Variants in ETFRF1 observed in about 807,000 individuals in gnomAD.
The protein encoded by ETFRF1 is LYR motif containing 5.
Under a neutral mutation model 9.0 loss-of-function variants are expected in ETFRF1, and 12 were observed. The observed-to-expected ratio is 1.34, with a 90% CI of 0.86 to 2.16. The LOEUF is 2.16. ETFRF1 is among the 30% of genes most tolerant of loss of function. The pLI is 0.00. For synonymous variants in ETFRF1, 34 were observed against 33.2 expected (o/e 1.02, Z -0.08); for missense variants, 98 against 101.8 (o/e 0.96, Z 0.16).
intron 1 of ETFRF1, among the ~76,000 whole-genome samples, chr12:25,200,029 G>A (rs961675537): frequency 6.6e-6 from 1 of 152,122 alleles, no homozygotes; most frequent in Non-Finnish European, 1.5e-5. Flanking sequence ...GGCCAACATG[G>A]TGAAAAGCCA....
intron 1 of ETFRF1, among the ~76,000 whole-genome samples, chr12:25,202,064 A>C (rs988121576): frequency 3.2e-5 from 1 of 31,316 alleles, no homozygotes; most frequent in African/African-American, 9.7e-5. Flanking sequence ...ACTGAAATAC[A>C]AAAAAAAAAA....
Position 25,195,248 on chromosome 12 carries a change from GC to G in ETFRF1, c.-124del. On this transcript the variant is annotated 5_prime_UTR_variant, in exon 1 of 3. Transcript: ENST00000381356. ...GCCCCGCCCCCTTTACTGACAGGTT[GC>G]CCACCTCCCCCAACGCCACCCCGCT... 1.4e-6 allele frequency: 1 copy of G among 711,108 alleles called. No homozygotes were observed. The highest frequency in any genetic ancestry group is 2.5e-6 in the Non-Finnish European group (1 of 403,688). 44.0% of individuals were successfully genotyped at this position (711,108 alleles called of 1,614,324 possible).
intron 1 of ETFRF1, 34 bp downstream of exon 1, chr12:25,195,371 C>A: frequency 1.7e-6 from 1 of 582,578 alleles, no homozygotes; most frequent in South Asian, 2.0e-5. Context: ...AGTTTTGTTC[C>A]ATTTCCCGGA....
At chr12:25,197,230 C>T (rs2141465743) in intron 1 of ETFRF1, among the ~76,000 whole-genome samples, 1 of 151,990 alleles carries the variant, frequency 6.6e-6, no homozygotes, top group Admixed American at 6.6e-5. Context: ...CATAGCCACA[C>T]TAGTTACATT....
At chr12:25,198,866 C>T (rs924639744) in intron 1 of ETFRF1, among the ~76,000 whole-genome samples, 1 of 152,074 alleles carries the variant, frequency 6.6e-6, no homozygotes, top group African/African-American at 2.4e-5. Flanking sequence ...TTCATTGATT[C>T]AAGTGTATAT....
At chr12:25,203,294 A>C (rs1016428463) in intron 1 of ETFRF1, among the ~76,000 whole-genome samples, 13 of 152,330 alleles carry the variant, frequency 8.5e-5, no homozygotes, top group South Asian at 6.2e-4. Flanking sequence ...ACACATAAAG[A>C]AGCATGATTT....
Position 25,204,727 on chromosome 12 carries a change from T to G in ETFRF1, c.*415T>G, listed in dbSNP as rs527743090. On this transcript the variant is annotated 3_prime_UTR_variant, in exon 3 of 3. Transcript: ENST00000381356. Reference sequence around the variant, plus strand: ...TTAACTTTTGAAAGGAATCCCTTATTTTTTCACCCAATTTGGTATATTAAC... The same window carrying G: ...TTAACTTTTGAAAGGAATCCCTTATGTTTTCACCCAATTTGGTATATTAAC... 1.1e-5 allele frequency: 2 copies of G among 183,762 alleles called. No individual in the cohort carries two copies. The highest frequency in any genetic ancestry group is 1.8e-4 in the East Asian group (2 of 11,030). The allele number at this position is 183,762 out of a possible 1,614,324, so 11.4% of individuals were successfully genotyped here.
chr12:25,198,279 G>A (rs79917672), intron 1 of ETFRF1, among the ~76,000 whole-genome samples: 10,647 of 152,066 alleles, frequency 0.07, 506 homozygotes, highest in Non-Finnish European at 0.11. Context: ...TGCAGGGCCC[G>A]CATTCCTCTT....
At chr12:25,203,844 C>A (rs1951098167) in intron 1 of ETFRF1, 76 bp from the exon 2 acceptor site, 2 of 798,324 alleles carry the variant, frequency 2.5e-6, no homozygotes, top group Middle Eastern at 4.1e-4. Flanking sequence ...TTACCATTTT[C>A]TCAATGTGTA....
intron 1 of ETFRF1, 81 bp from the exon 2 acceptor site, chr12:25,203,839 A>G (rs1053671573): frequency 5.2e-6 from 4 of 770,728 alleles, no homozygotes; most frequent in Non-Finnish European, 7.6e-6. Context: ...AAAGGTTACC[A>G]TTTTCTCAAT....
intron 1 of ETFRF1, among the ~76,000 whole-genome samples, chr12:25,203,559 GTTAA>G (rs1486255480): frequency 1.3e-5 from 2 of 152,182 alleles, no homozygotes; most frequent in Non-Finnish European, 2.9e-5. Flanking sequence ...GCTCAGCAAG[GTTAA>G]TTAATCTGTA....
In ETFRF1 at chr12:25,204,401, A is replaced by G. The variant is rs1951108823; in HGVS notation, c.*89A>G. The G allele has an allele frequency of 6.3e-6, 7 of 1,106,654 alleles. No individual in the cohort carries two copies. Among genetic ancestry groups the G allele is most frequent in the Admixed American group, 6.3e-5 (2 of 31,808 alleles). The allele number at this position is 1,106,654 out of a possible 1,614,324, so 68.6% of individuals were successfully genotyped here. ...ATTCTAACTTAAAATGGGAAGATAT[A>G]CATGTTGTGTAAAAAATCCCTGAGC... On this transcript the variant is annotated 3_prime_UTR_variant, in exon 3 of 3. Transcript: ENST00000381356.
rs2141475357 is a variant in ETFRF1 at position 25,205,064 on chromosome 12, G to A, written c.*752G>A. 4.7e-6 allele frequency: 1 copy of A among 212,882 alleles called. No individual in the cohort carries two copies. Among genetic ancestry groups the A allele is most frequent in the African/African-American group, 2.3e-5 (1 of 44,264 alleles). The allele number at this position is 212,882 out of a possible 1,614,324, so 13.2% of individuals were successfully genotyped here. On this transcript the variant is annotated 3_prime_UTR_variant, in exon 3 of 3. Coordinates refer to ENST00000381356, the MANE Select transcript of ETFRF1 (RefSeq NM_001001660.3). ...TGTTTTGCATCTACTTCTAAATATG[G>A]TTTTAAGTTTAAGCAAACACGCCTT... is the stretch of plus-strand genomic sequence containing the variant.
In ETFRF1 at chr12:25,203,909, CCTTT is replaced by C. The variant is rs781120186; in HGVS notation, c.-37-6_-37-3del. The C allele has an allele frequency of 9.6e-6, 13 of 1,360,844 alleles. No individual in the cohort carries two copies. The highest frequency in any genetic ancestry group is 3.7e-5 in the South Asian group (2 of 53,618). The allele number at this position is 1,360,844 out of a possible 1,614,324, so 84.3% of individuals were successfully genotyped here. A position where few individuals can be genotyped will look rare whatever the true frequency, so the allele number is the denominator to read the frequency against. ...ATGCAGCTAATTGCAAAAAAATTTTCCTTTCTTTAGGTATGTTATGCATAAAAGT... is the reference window on the plus strand; with the variant it reads ...ATGCAGCTAATTGCAAAAAAATTTTCCTTTAGGTATGTTATGCATAAAAGT... On this transcript the variant is annotated splice_region_variant and splice_polypyrimidine_tract_variant and intron_variant, in intron 1 of 2. Coordinates refer to ENST00000381356, the MANE Select transcript of ETFRF1 (RefSeq NM_001001660.3).
chr12:25,195,324 C>T lies in ETFRF1; in HGVS notation c.-51C>T. 1.7e-6 allele frequency: 1 copy of T among 602,160 alleles called. No homozygotes were observed. The highest frequency in any genetic ancestry group is 2.0e-5 in the South Asian group (1 of 50,636). 37.3% of individuals were successfully genotyped at this position (602,160 alleles called of 1,614,324 possible). A position where few individuals can be genotyped will look rare whatever the true frequency, so the allele number is the denominator to read the frequency against. Reference sequence around the variant, plus strand: ...GTAGCGGTCGAGGCTTTTGCGGCTCCGGCGTGCCGGAAAGTGCGTGAGTGC... The same window carrying T: ...GTAGCGGTCGAGGCTTTTGCGGCTCTGGCGTGCCGGAAAGTGCGTGAGTGC... On this transcript the variant is annotated 5_prime_UTR_variant, in exon 1 of 3. Transcript: ENST00000381356.
chr12:25,200,222 G>T (rs1313094858), intron 1 of ETFRF1, among the ~76,000 whole-genome samples: 1 of 151,190 alleles, frequency 6.6e-6, no homozygotes, highest in Non-Finnish European at 1.5e-5. Context: ...AAAAAAAAAA[G>T]ACAAATGGAA....
chr12:25,197,087 G>A (rs945055661), intron 1 of ETFRF1, among the ~76,000 whole-genome samples: 2 of 151,858 alleles, frequency 1.3e-5, no homozygotes, highest in African/African-American at 4.8e-5. Flanking sequence ...CCGGGAGAGG[G>A]AGGTTGCAGT....
At chr12:25,199,186 ATAC>A (rs1277207400) in intron 1 of ETFRF1, among the ~76,000 whole-genome samples, 2 of 150,210 alleles carry the variant, frequency 1.3e-5, no homozygotes, top group African/African-American at 4.9e-5. Context: ...GCTATAATAT[ATAC>A]TACATATAGT....
In ETFRF1 at chr12:25,204,274, A is replaced by C; in HGVS notation, c.235A>C (p.Lys79Gln). ...CTTCCTTAGGAAATACAGAGCTATGAAACAACGCTATTATTCAGATACCAA... is the reference window on the plus strand; with the variant it reads ...CTTCCTTAGGAAATACAGAGCTATGCAACAACGCTATTATTCAGATACCAA... Reference protein sequence around the residue: ...LYFLRKYRAMKQRYYSDTNKT... With the variant: ...LYFLRKYRAMQQRYYSDTNKT... The change falls in exon 3 of 3, where the codon AAA becomes CAA. Residue 79 changes from lysine (K) to glutamine (Q), a missense_variant. Physicochemically the swap from Lys to Gln is moderately conservative, Grantham distance 53. Coordinates refer to ENST00000381356, the MANE Select transcript of ETFRF1 (RefSeq NM_001001660.3). 1 of 1,593,744 alleles carries C rather than the reference A, an allele frequency of 6.3e-7. No individual in the cohort carries two copies. Among genetic ancestry groups the C allele is most frequent in the African/African-American group, 1.4e-5 (1 of 73,514 alleles).
Sources: gnomAD v4.1 joint callset for allele counts (sites outside exome capture counted in the v4.1 genomes callset) on GRCh38, gnomAD v4.1.1 for gene constraint, MANE v1.5 for transcripts, NCBI Gene and HGNC (gene_info 2026-07-23, HGNC 2026-07-21) for gene names.